Variants in NLRP4 observed in about 807,000 individuals in gnomAD.
The protein encoded by NLRP4 is NACHT, LRR and PYD domains-containing protein 4.
Under a neutral mutation model 84.7 loss-of-function variants are expected in NLRP4, and 44 were observed. That is an observed-to-expected ratio of 0.52 (90% CI 0.41 to 0.67). NLRP4 has a LOEUF of 0.67. Among genes scored for constraint, NLRP4 ranks in the 30% least tolerant of loss-of-function variants. NLRP4 has a pLI of 0.00. For missense variants in NLRP4, 1,260 were observed against 1,219.4 expected (o/e 1.03, Z -0.50); for synonymous variants, 544 against 476.4 (o/e 1.14, Z -1.85).
chr19:55,842,799 A>G (rs910921175), intron 1 of NLRP4, among the ~76,000 whole-genome samples: 3 of 151,864 alleles, frequency 2.0e-5, no homozygotes, highest in Non-Finnish European at 4.4e-5. Flanking sequence ...TTGCTCTGTC[A>G]CCCAGGCTGG....
chr19:55,861,757 C>T (rs986331190), intron 4 of NLRP4, among the ~76,000 whole-genome samples: 2 of 152,174 alleles, frequency 1.3e-5, no homozygotes, highest in African/African-American at 2.4e-5. Context: ...CATCCCTGGT[C>T]TCTACCCTCT....
chr19:55,880,037 C>G (rs1286215617), intron 9 of NLRP4, among the ~76,000 whole-genome samples: 1 of 151,974 alleles, frequency 6.6e-6, no homozygotes, highest in African/African-American at 2.4e-5. Context: ...TTTTCTCATT[C>G]ATTTTCCCCT....
At chr19:55,840,761 C>T (rs1983582429) in intron 1 of NLRP4, among the ~76,000 whole-genome samples, 1 of 152,108 alleles carries the variant, frequency 6.6e-6, no homozygotes, top group African/African-American at 2.4e-5. Flanking sequence ...TTCTCTCTTC[C>T]TGGTAATTTG....
intron 1 of NLRP4, among the ~76,000 whole-genome samples, chr19:55,845,397 G>A (rs1486593692): frequency 2.6e-5 from 4 of 151,596 alleles, no homozygotes; most frequent in African/African-American, 4.8e-5. Flanking sequence ...TGGTGTATAT[G>A]TGCCACATTT....
chr19:55,852,028 T>C lies in NLRP4; in HGVS notation c.-53T>C. The C allele has an allele frequency of 1.5e-6, 2 of 1,342,998 alleles. No individual in the cohort carries two copies. The highest frequency in any genetic ancestry group is 4.6e-5 in the East Asian group (2 of 43,532). The allele number at this position is 1,342,998 out of a possible 1,614,324, so 83.2% of individuals were successfully genotyped here. Reference sequence around the variant, plus strand: ...GAATTTTCTACAGGTTTTATTTATTTATTGTTCCTGGTCACTGTCTCTTTG... The same window carrying C: ...GAATTTTCTACAGGTTTTATTTATTCATTGTTCCTGGTCACTGTCTCTTTG... On this transcript the variant is annotated 5_prime_UTR_variant, in exon 2 of 10. Coordinates refer to ENST00000301295, the MANE Select transcript of NLRP4 (RefSeq NM_134444.5).
At chr19:55,843,695 A>G (rs77215822) in intron 1 of NLRP4, among the ~76,000 whole-genome samples, 5,725 of 152,142 alleles carry the variant, frequency 0.038, 291 homozygotes, top group East Asian at 0.22. Flanking sequence ...TGTCTCAATT[A>G]AAAAAATTAT....
In NLRP4 at chr19:55,858,726, G is replaced by C. The variant is rs149952244; in HGVS notation, c.1333G>C (p.Glu445Gln). 22 of 1,613,934 alleles carry C rather than the reference G, an allele frequency of 1.4e-5. No individual in the cohort carries two copies. The highest frequency in any genetic ancestry group is 1.9e-5 in the Non-Finnish European group (22 of 1,179,932). ...GATACTTCTGAAGTACGGGGAGCGT[G>C]AGAGCTCCTACGTGTTCCTCCACGT... ...TKILLKYGER[E>Q]SSYVFLHVCI... The change falls in exon 3 of 10, where the codon GAG (glutamate) becomes CAG (glutamine). Residue 445 changes from glutamate to glutamine, a missense_variant. Coordinates refer to ENST00000301295, the MANE Select transcript of NLRP4 (RefSeq NM_134444.5). The surrounding 1 kb of genome is among the most constrained non-coding windows in gnomAD (Gnocchi z 4.2).
At chr19:55,850,818 C>T (rs1208608689) in intron 1 of NLRP4, among the ~76,000 whole-genome samples, 1 of 111,532 alleles carries the variant, frequency 9.0e-6, no homozygotes, top group Non-Finnish European at 1.7e-5. Context: ...TCCGAGGCTG[C>T]GGTGTAATGT....
intron 9 of NLRP4, among the ~76,000 whole-genome samples, chr19:55,879,677 C>T (rs922025775): frequency 6.6e-5 from 10 of 152,142 alleles, no homozygotes; most frequent in Non-Finnish European, 1.5e-4. Context: ...TCTTCGCGCT[C>T]CCTTATTTAT....
chr19:55,852,840 A>G (rs887959748), intron 2 of NLRP4, among the ~76,000 whole-genome samples: 2 of 152,156 alleles, frequency 1.3e-5, no homozygotes, highest in African/African-American at 2.4e-5. Context: ...TGTGGGTAAA[A>G]TGTCAGTGGC....
Position 55,858,829 on chromosome 19 carries a change from G to A in NLRP4, c.1436G>A (p.Cys479Tyr). The change falls in exon 3 of 10, where the codon TGT becomes TAT. Residue 479 changes from cysteine (C) to tyrosine (Y), a missense_variant. By Grantham distance (194) the Cys-to-Tyr change is radical (BLOSUM62 -2). Around this residue, in one of 3 missense-constraint regions of NLRP4, gnomAD observed 712 missense variants for 669.2 expected, o/e 1.06. Coordinates refer to ENST00000301295, the MANE Select transcript of NLRP4 (RefSeq NM_134444.5). The surrounding 1 kb of genome is among the most constrained non-coding windows in gnomAD (Gnocchi z 4.2). Reference sequence around the variant, plus strand: ...GATCATCCTCACCCAGCTGTGAGATGTGTACAGGAATTGCTAGTTGCCAAT... The same window carrying A: ...GATCATCCTCACCCAGCTGTGAGATATGTACAGGAATTGCTAGTTGCCAAT... ...HLDHPHPAVRCVQELLVANFE... is the reference protein window; with the variant it reads ...HLDHPHPAVRYVQELLVANFE... The A allele has an allele frequency of 1.2e-6, 2 of 1,614,146 alleles. No homozygotes were observed. Among genetic ancestry groups the A allele is most frequent in the Non-Finnish European group, 1.7e-6 (2 of 1,179,970 alleles).
chr19:55,840,101 C>T (rs191712686), intron 1 of NLRP4, among the ~76,000 whole-genome samples: 335 of 152,314 alleles, frequency 2.2e-3, no homozygotes, highest in Middle Eastern at 6.8e-3. Context: ...CAGTATATAG[C>T]TGACATTGGT....
In NLRP4 at chr19:55,845,833, A is replaced by G. The variant is rs1167832106; in HGVS notation, c.-65-6183A>G. The stretch of plus-strand genomic sequence containing the variant: ...GGCTGCATAAATGTCTTCTTTTGAG[A>G]AGTGTCTGTTTATATCCTTTGCCCA... On this transcript the variant is annotated intron_variant, in intron 1 of 9. Coordinates refer to ENST00000301295, the MANE Select transcript of NLRP4 (RefSeq NM_134444.5). Among the ~76,000 whole-genome samples the G allele has an allele frequency of 2.1e-5, 3 of 140,494 alleles. No homozygotes were observed. The East Asian group carries it at 6.0e-4, about 28-fold the overall frequency. 92.2% of individuals were successfully genotyped at this position (140,494 alleles called of 152,430 possible). A position where few individuals can be genotyped will look rare whatever the true frequency, so the allele number is the denominator to read the frequency against.
chr19:55,838,128 G>C (rs1244201647), intron 1 of NLRP4, among the ~76,000 whole-genome samples: 1 of 149,868 alleles, frequency 6.7e-6, no homozygotes, highest in African/African-American at 2.5e-5. Flanking sequence ...AGACCAGCCT[G>C]ACCAACATGG....
At chr19:55,852,806 G>T (rs1361150974) in intron 2 of NLRP4, among the ~76,000 whole-genome samples, 1 of 151,830 alleles carries the variant, frequency 6.6e-6, no homozygotes, top group African/African-American at 2.4e-5. Flanking sequence ...GGCAGGAAAT[G>T]GTCTCTTAGA....
chr19:55,868,114 A>G (rs1409953077), intron 6 of NLRP4, among the ~76,000 whole-genome samples: 1 of 152,268 alleles, frequency 6.6e-6, no homozygotes, highest in Non-Finnish European at 1.5e-5. Flanking sequence ...TCTTATGGCT[A>G]TCAAGTGAGA....
intron 7 of NLRP4, among the ~76,000 whole-genome samples, chr19:55,874,710 G>A (rs1392687644): frequency 2.0e-5 from 3 of 152,074 alleles, no homozygotes; most frequent in Non-Finnish European, 2.9e-5. Context: ...AGCTTTTTCA[G>A]GATCAGAAGA....
At chr19:55,840,431 T>A (rs1161913225) in intron 1 of NLRP4, among the ~76,000 whole-genome samples, 1 of 152,074 alleles carries the variant, frequency 6.6e-6, no homozygotes, top group African/African-American at 2.4e-5. Flanking sequence ...TTGCCCAGGC[T>A]GGAATGCAGT....
At position 55,878,007 on chromosome 19, in the gene NLRP4, G is replaced by A. The variant is rs1985434797; in HGVS notation, c.2697-787G>A. On this transcript the variant is annotated intron_variant, in intron 8 of 9. Coordinates refer to ENST00000301295, the MANE Select transcript of NLRP4 (RefSeq NM_134444.5). ...GAAAACATCCAAGATCACCAGGTGT[G>A]ATAGCTTAGTCCTGCAGTCCCAGCA... Among the ~76,000 whole-genome samples the A allele has an allele frequency of 2.0e-5, 3 of 152,188 alleles. No individual in the cohort carries two copies. The South Asian group carries it at 6.2e-4, about 32-fold the overall frequency.
Sources: gnomAD v4.1 joint callset for allele counts (sites outside exome capture counted in the v4.1 genomes callset) on GRCh38, gnomAD v4.1.1 for gene constraint, gnomAD v4.1.1 regional missense constraint, Gnocchi (gnomAD v3.1) non-coding constraint, MANE v1.5 for transcripts, NCBI Gene and HGNC (gene_info 2026-07-23, HGNC 2026-07-21) for gene names.